SSH2: variants seen among roughly 807,000 people sequenced by gnomAD.
SSH2 encodes the protein slingshot protein phosphatase 2.
A neutral mutation model predicts 135.2 loss-of-function variants in SSH2; 37 were observed. The ratio of observed to expected loss-of-function variants is 0.27; its 90% confidence interval spans 0.21 to 0.36. The LOEUF is 0.36. Among genes scored for constraint, SSH2 ranks in the 10% least tolerant of loss-of-function variants. The pLI is 1.00. For synonymous variants in SSH2, 628 were observed against 646.2 expected (o/e 0.97, Z 0.43); for missense variants, 1,408 against 1,765.3 (o/e 0.80, Z 3.63).
intron 11 of SSH2, among the ~76,000 whole-genome samples, chr17:29,666,338 C>T (rs1288026360): frequency 2.6e-5 from 4 of 152,078 alleles, no homozygotes; most frequent in Admixed American, 1.3e-4. Flanking sequence ...TGTGCTACTA[C>T]ACTCCAGGCT....
At chr17:29,822,208 C>T (rs182670853) in intron 2 of SSH2, among the ~76,000 whole-genome samples, 2 of 152,268 alleles carry the variant, frequency 1.3e-5, no homozygotes, top group Admixed American at 1.3e-4. Context: ...ACCAGGTCAC[C>T]TGAGACTGGC....
At chr17:29,688,415 GC>G (rs1278303776) in intron 5 of SSH2, among the ~76,000 whole-genome samples, 1 of 152,118 alleles carries the variant, frequency 6.6e-6, no homozygotes, top group Non-Finnish European at 1.5e-5. Flanking sequence ...AATGAGAAGG[GC>G]CCCAGACATT....
intron 5 of SSH2, among the ~76,000 whole-genome samples, chr17:29,692,821 G>A (rs1018872110): frequency 3.9e-5 from 6 of 152,156 alleles, no homozygotes; most frequent in South Asian, 2.1e-4. Context: ...GCAGTGTTTC[G>A]AAACTGGCTT....
At chr17:29,845,449 C>G (rs959310890) in intron 2 of SSH2, among the ~76,000 whole-genome samples, 4 of 152,156 alleles carry the variant, frequency 2.6e-5, no homozygotes, top group African/African-American at 9.7e-5. Flanking sequence ...GGAGGAGGAT[C>G]TAACACCTTT....
chr17:29,919,760 GT>G (rs200295358), intron 1 of SSH2, among the ~76,000 whole-genome samples: 197 of 96,396 alleles, frequency 2.0e-3, no homozygotes, highest in African/African-American at 6.5e-3. Flanking sequence ...ACAGCTAGGT[GT>G]TTTTTTTTTT....
intron 3 of SSH2, among the ~76,000 whole-genome samples, chr17:29,753,624 C>T (rs978189219): frequency 2.6e-5 from 4 of 151,130 alleles, no homozygotes; most frequent in Admixed American, 1.3e-4. Context: ...GGTGAAACCC[C>T]GTCTGTACTA....
At chr17:29,771,832 T>C (rs2041592518) in intron 3 of SSH2, among the ~76,000 whole-genome samples, 1 of 152,198 alleles carries the variant, frequency 6.6e-6, no homozygotes, top group Non-Finnish European at 1.5e-5. Context: ...TCTCTAAGCC[T>C]TCGTGTATCA....
chr17:29,673,923 C>G, intron 8 of SSH2: 1 of 315,480 alleles, frequency 3.2e-6, no homozygotes, highest in Non-Finnish European at 6.4e-6. Context: ...ATTTTTCAAT[C>G]ATTTGTTTTT....
intron 2 of SSH2, among the ~76,000 whole-genome samples, chr17:29,837,832 C>T (rs1228164018): frequency 2.6e-5 from 4 of 152,282 alleles, no homozygotes; most frequent in Non-Finnish European, 2.9e-5. Context: ...GCCAGGGCTG[C>T]GCACTCCATG....
At chr17:29,746,530 A>G (rs1361587585) in intron 3 of SSH2, among the ~76,000 whole-genome samples, 1 of 139,304 alleles carries the variant, frequency 7.2e-6, no homozygotes, top group Non-Finnish European at 1.5e-5. Flanking sequence ...CCTGGGCGAC[A>G]GAGTGAGACT....
rs9911433 is a variant in SSH2 at position 29,697,737 on chromosome 17, G to C, written c.293-2214C>G. 6.6e-3 allele frequency among the ~76,000 whole-genome samples: 1,001 copies of C among 152,198 alleles called. 6 individuals are homozygous for C. Among genetic ancestry groups the C allele is most frequent in the African/African-American group, 0.023 (958 of 41,528 alleles). ...GCTTCTGACCAATTAATTCCATATT[G>C]CAGAATCTTTCAATTTTCAAAATTA... On this transcript the variant is annotated intron_variant, in intron 4 of 15. Coordinates refer to ENST00000540801, the MANE Select transcript of SSH2 (RefSeq NM_001282129.2).
Position 29,632,361 on chromosome 17 carries a change from G to C in SSH2, c.2833C>G (p.Pro945Ala), listed in dbSNP as rs1288949742. 3.1e-6 allele frequency: 5 copies of C among 1,613,834 alleles called. No homozygotes were observed. In the Admixed American group the frequency reaches 8.3e-5, roughly 27 times the overall value. ...LAPKGKSDEA[P>A]PEHSFVLKEP... Reference sequence around the variant, plus strand: ...TTGAGGACAAATGAATGTTCTGGGGGGGCTTCATCACTTTTCCCTTTTGGT... The same window carrying C: ...TTGAGGACAAATGAATGTTCTGGGGCGGCTTCATCACTTTTCCCTTTTGGT... The change falls in exon 16 of 16, where the codon CCC (proline) becomes GCC (alanine). Residue 945 changes from proline (P) to alanine (A), a missense_variant. Pro to Ala is a conservative substitution (Grantham distance 27). This residue lies in a region of SSH2 where 1,080 missense variants were observed against 1,144.5 expected (regional missense o/e 0.94). Transcript: ENST00000540801.
At chr17:29,775,216 A>G (rs910280603) in intron 3 of SSH2, among the ~76,000 whole-genome samples, 14 of 152,086 alleles carry the variant, frequency 9.2e-5, no homozygotes, top group Non-Finnish European at 1.8e-4. Context: ...AGGATGAAAA[A>G]TGAAGAATGC....
At chr17:29,651,253 G>A (rs369744594) in intron 12 of SSH2, among the ~76,000 whole-genome samples, 14 of 152,300 alleles carry the variant, frequency 9.2e-5, no homozygotes, top group African/African-American at 2.2e-4. Flanking sequence ...AAAAAAGAGA[G>A]AATGAATAAC....
At chr17:29,901,519 T>C (rs1022457972) in intron 1 of SSH2, among the ~76,000 whole-genome samples, 2 of 152,148 alleles carry the variant, frequency 1.3e-5, no homozygotes, top group Admixed American at 6.6e-5. Flanking sequence ...AATCCAGCAA[T>C]ATATGCTCAT....
chr17:29,818,406 G>A (rs749082718), intron 2 of SSH2, among the ~76,000 whole-genome samples: 1 of 151,846 alleles, frequency 6.6e-6, no homozygotes, highest in East Asian at 1.9e-4. Context: ...CTGCCACCAA[G>A]CCCGGCTAAT....
At chr17:29,904,232 C>T (rs1448929139) in intron 1 of SSH2, among the ~76,000 whole-genome samples, 1 of 152,168 alleles carries the variant, frequency 6.6e-6, no homozygotes. Context: ...CCTTGGTGAA[C>T]ATCGATGGAG....
chr17:29,640,814 T>G (rs548767377), intron 14 of SSH2: 1 of 152,312 alleles, frequency 6.6e-6, no homozygotes, highest in East Asian at 1.9e-4. Context: ...CATTCCCTTT[T>G]TTTTTCTTTA....
intron 1 of SSH2, among the ~76,000 whole-genome samples, chr17:29,856,557 A>C (rs1023099197): frequency 2.6e-5 from 4 of 152,224 alleles, no homozygotes; most frequent in Admixed American, 2.6e-4. Context: ...CTTGGGCAAC[A>C]GAGTGAGACT....
Sources: allele counts gnomAD v4.1 joint callset (sites outside exome capture counted in the v4.1 genomes callset), GRCh38; gene constraint gnomAD v4.1.1; regional missense constraint gnomAD v4.1.1; transcripts MANE v1.5; gene names NCBI Gene and HGNC (gene_info 2026-07-23, HGNC 2026-07-21).